CACNA1H: variants seen among roughly 807,000 people sequenced by gnomAD.
The protein encoded by CACNA1H is calcium voltage-gated channel subunit alpha1 H.
CACNA1H carries 149 observed loss-of-function variants against 192.5 expected under a neutral mutation model. The ratio of observed to expected loss-of-function variants is 0.77; its 90% CI spans 0.68 to 0.89. The LOEUF (loss-of-function observed/expected upper bound fraction) is 0.89, where lower values mean the gene tolerates loss of function less well. CACNA1H is among the 40% of genes least tolerant of loss of function. The pLI, the probability that CACNA1H is intolerant of heterozygous loss-of-function variation, is 0.00. For missense variants in CACNA1H, 4,257 were observed against 3,423.5 expected, an observed-to-expected ratio of 1.24 and a Z score of -6.08; for synonymous variants, 2,202 against 1,475.2, an observed-to-expected ratio of 1.49 and a Z score of -11.29.
chr16:1,185,280 A>G (rs1488052029), intron 2 of CACNA1H, among the ~76,000 whole-genome samples: 1 of 152,104 alleles, frequency 6.6e-6, no homozygotes, highest in South Asian at 2.1e-4. Flanking sequence ...TGTTTCCATC[A>G]CAGGCCATCG....
Position 1,153,268 on chromosome 16 carries a change from G to A in CACNA1H, c.-221G>A, listed in dbSNP as rs1449653737. On this transcript the variant is annotated 5_prime_UTR_variant, in exon 1 of 35. Transcript: ENST00000348261. ...AGGCCGCCGCCGTCGCCTCCGCCGG[G>A]CGAGCCGGAGCCGGAGTCGAGCCGC... 1 of 145,276 alleles carries A rather than the reference G, an allele frequency of 6.9e-6. No individual in the cohort carries two copies. Among genetic ancestry groups the A allele is most frequent in the African/African-American group, 2.5e-5 (1 of 40,410 alleles). The allele number at this position is 145,276 out of a possible 1,614,324, so 9.0% of individuals were successfully genotyped here.
chr16:1,194,849 T>A, intron 2 of CACNA1H, 123 bp from the exon 3 acceptor site: 1 of 724,156 alleles, frequency 1.4e-6, no homozygotes, highest in Non-Finnish European at 2.5e-6. Context: ...CCCCACCCCA[T>A]CCTGGACACC....
intron 2 of CACNA1H, among the ~76,000 whole-genome samples, chr16:1,162,287 A>G (rs548146550): frequency 6.6e-6 from 1 of 151,860 alleles, no homozygotes; most frequent in Admixed American, 6.6e-5. Flanking sequence ...GGGTGCCCCC[A>G]CCTGCCCTCA....
chr16:1,171,548 A>T (rs184016159), intron 2 of CACNA1H, among the ~76,000 whole-genome samples: 13 of 152,286 alleles, frequency 8.5e-5, no homozygotes, highest in African/African-American at 3.1e-4. Context: ...TTTATTTTCC[A>T]GGCATTAAAC....
chr16:1,204,145 A>G lies in CACNA1H; in HGVS notation c.2138A>G (p.Glu713Gly). ...CGTGCCCTGGAGGACCCGGAGGGTG[A>G]GCTCAGCGGCTCGGAAAGTGGAGAC... is the stretch of plus-strand genomic sequence containing the variant. ...CTRALEDPEG[E>G]LSGSESGDSD... The change falls in exon 10 of 35, where the codon GAG becomes GGG. Residue 713 changes from glutamate to glycine, a missense_variant. Physicochemically the swap from Glu to Gly is moderately conservative, Grantham distance 98 (BLOSUM62 -2). Transcript: ENST00000348261. 6.2e-7 allele frequency: 1 copy of G among 1,612,424 alleles called. No homozygotes were observed. Among genetic ancestry groups the G allele is most frequent in the Non-Finnish European group, 8.5e-7 (1 of 1,179,750 alleles).
rs1357455193 is a variant in CACNA1H, at chr16:1,195,440, C to T, written c.420C>T (p.Asp140=). 3.9e-6 allele frequency: 6 copies of T among 1,554,212 alleles called. No homozygotes were observed. The highest frequency in any genetic ancestry group is 1.4e-5 in the African/African-American group (1 of 73,208). ...SERCNILEAF[D]AFIFAFFAVE... is the part of the protein sequence containing the mutation. ...GATGCCTCCTCCCGCAGGCCTTTGA[C>T]GCCTTCATTTTCGCCTTTTTTGCGG... The change falls in exon 4 of 35, where the codon GAC becomes GAT. Residue 140 remains aspartate, a synonymous_variant. Transcript: ENST00000348261.
rs776859671 is a variant in CACNA1H, at chr16:1,215,516, G to A, written c.5174-7G>A. 1.8e-5 allele frequency: 29 copies of A among 1,610,550 alleles called. No individual in the cohort carries two copies. In the Admixed American group the frequency reaches 4.8e-4, roughly 27 times the overall value. ...CAGCCCTGCTGACGCTCAGCTCCCG[G>A]CCCTAGTGCTGAAGCTGCTGAAGAT... On this transcript the variant is annotated splice_polypyrimidine_tract_variant and splice_region_variant and intron_variant, in intron 29 of 34. Coordinates refer to ENST00000348261, the MANE Select transcript of CACNA1H (RefSeq NM_021098.3).
At chr16:1,153,654 T>C in intron 1 of CACNA1H, 66 bp from the exon 2 acceptor site, 4 of 1,028,252 alleles carry the variant, frequency 3.9e-6, no homozygotes, top group Non-Finnish European at 1.2e-6. Flanking sequence ...TTCCCGCAGC[T>C]CCGCGCCGCG....
Position 1,209,313 on chromosome 16 carries a change from C to T in CACNA1H, c.3645C>T (p.Arg1215=), listed in dbSNP as rs371762447. ...RPAALPPTKC[R]DRDGQVVALP... ...CCGCCCTCCCGCCTACCAAGTGCCG[C>T]GATCGCGACGGGCAGGTGGTGGCCC... The change falls in exon 17 of 35, where the codon CGC becomes CGT. Residue 1215 remains arginine (R), a synonymous_variant. Transcript: ENST00000348261. The T allele has an allele frequency of 1.7e-4, 267 of 1,597,072 alleles. No homozygotes were observed. Among genetic ancestry groups the T allele is most frequent in the African/African-American group, 8.3e-4 (62 of 74,876 alleles).
In CACNA1H at chr16:1,205,274, C is replaced by G. The variant is rs1461999845; in HGVS notation, c.2603+9C>G. On this transcript the variant is annotated intron_variant, in intron 11 of 34. Coordinates refer to ENST00000348261, the MANE Select transcript of CACNA1H (RefSeq NM_021098.3). Reference sequence around the variant, plus strand: ...ATCATCGTGGTCATCAGGTGGGTCCCCACCCTCTCCCCAGGAAGAGGGGCC... The same window carrying G: ...ATCATCGTGGTCATCAGGTGGGTCCGCACCCTCTCCCCAGGAAGAGGGGCC... 1 of 1,592,186 alleles carries G rather than the reference C, an allele frequency of 6.3e-7. No homozygotes were observed. Among genetic ancestry groups the G allele is most frequent in the Non-Finnish European group, 8.6e-7 (1 of 1,164,376 alleles).
chr16:1,220,614 C>T lies in CACNA1H; in HGVS notation c.6682C>T (p.His2228Tyr). The T allele has an allele frequency of 6.3e-7, 1 of 1,578,986 alleles. No homozygotes were observed. Among genetic ancestry groups the T allele is most frequent in the Non-Finnish European group, 8.6e-7 (1 of 1,166,242 alleles). ...RRTPSCEATP[H>Y]RDSLEPTEGS... ...GACCCCGTCCTGTGAGGCCACGCCT[C>T]ACAGGGACTCCCTGGAGCCCACAGA... is the stretch of plus-strand genomic sequence containing the variant. Residue 2228 changes from histidine to tyrosine, a missense_variant, in exon 35 of 35, where the codon CAC (histidine) becomes TAC (tyrosine). Transcript: ENST00000348261.
In CACNA1H at chr16:1,153,898, C is replaced by G. The variant is rs1394908847; in HGVS notation, c.161C>G (p.Pro54Arg). Residue 54 changes from proline to arginine, a missense_variant, in exon 2 of 35, where the codon CCG (proline) becomes CGG (arginine). Pro to Arg is a moderately radical substitution (Grantham distance 103). Transcript: ENST00000348261. The stretch of plus-strand genomic sequence containing the variant: ...CTCGGCGTGTCACCCTCCGAGAGCC[C>G]GGCGGCCGAGCGCGGCGCGGAGCTG... Reference protein sequence around the residue: ...SELGVSPSESPAAERGAELGA... With the variant: ...SELGVSPSESRAAERGAELGA... The G allele has an allele frequency of 2.8e-6, 4 of 1,451,072 alleles. No individual in the cohort carries two copies. The highest frequency in any genetic ancestry group is 3.6e-6 in the Non-Finnish European group (4 of 1,102,616). 89.9% of individuals were successfully genotyped at this position (1,451,072 alleles called of 1,614,324 possible). A position where few individuals can be genotyped will look rare whatever the true frequency, so the allele number is the denominator to read the frequency against.
chr16:1,215,559 C>A lies in CACNA1H; in HGVS notation c.5210C>A (p.Ala1737Asp). Reference sequence around the variant, plus strand: ...CTGAAGATGGCTACGGGCATGCGCGCCCTGCTGGACACTGTGGTGCAAGCT... The same window carrying A: ...CTGAAGATGGCTACGGGCATGCGCGACCTGCTGGACACTGTGGTGCAAGCT... Reference protein sequence around the residue: ...KLLKMATGMRALLDTVVQALP... With the variant: ...KLLKMATGMRDLLDTVVQALP... The change falls in exon 30 of 35, where the codon GCC (alanine) becomes GAC (aspartate). Residue 1737 changes from alanine (A) to aspartate (D), a missense_variant. Transcript: ENST00000348261. 3 of 1,611,896 alleles carry A rather than the reference C, an allele frequency of 1.9e-6. No homozygotes were observed. The highest frequency in any genetic ancestry group is 2.5e-6 in the Non-Finnish European group (3 of 1,179,568).
At chr16:1,182,139 G>A (rs998873642) in intron 2 of CACNA1H, among the ~76,000 whole-genome samples, 1 of 152,208 alleles carries the variant, frequency 6.6e-6, no homozygotes, top group Non-Finnish European at 1.5e-5. Flanking sequence ...AGCAGGGTCC[G>A]TGCCTGAGAC....
intron 34 of CACNA1H, 100 bp from the exon 35 acceptor site, chr16:1,219,880 TG>T: frequency 1.1e-6 from 1 of 922,030 alleles, no homozygotes; most frequent in African/African-American, 1.7e-5. Context: ...CTGCCCAGTT[TG>T]GCCTCTCCAG....
At chr16:1,217,688 G>A (rs1011180327) in intron 31 of CACNA1H, among the ~76,000 whole-genome samples, 1 of 152,218 alleles carries the variant, frequency 6.6e-6, no homozygotes, top group Non-Finnish European at 1.5e-5. Context: ...CAGCCGCCAG[G>A]CCTGATGAGC....
chr16:1,155,827 G>C (rs1417732103), intron 2 of CACNA1H, among the ~76,000 whole-genome samples: 2 of 152,146 alleles, frequency 1.3e-5, no homozygotes, highest in Non-Finnish European at 2.9e-5. Flanking sequence ...CATGCAGGTG[G>C]GATGAGCTCT....
At chr16:1,196,243 C>T (rs1966954057) in intron 5 of CACNA1H, among the ~76,000 whole-genome samples, 1 of 152,254 alleles carries the variant, frequency 6.6e-6, no homozygotes. Context: ...GGGCAGTCAG[C>T]ATTCACAGGG....
intron 2 of CACNA1H, among the ~76,000 whole-genome samples, chr16:1,186,502 G>A (rs923204838): frequency 4.6e-5 from 7 of 152,064 alleles, no homozygotes; most frequent in South Asian, 2.1e-4. Context: ...GAGTGCCCTC[G>A]TCTTGTCCCT....
Sources: allele counts gnomAD v4.1 joint callset (sites outside exome capture counted in the v4.1 genomes callset), GRCh38; gene constraint gnomAD v4.1.1; transcripts MANE v1.5; gene names NCBI Gene and HGNC (gene_info 2026-07-23, HGNC 2026-07-21).